The following KHDRBS2 variants were observed in gnomAD, a reference collection of about 807,000 sequenced individuals.
The protein encoded by KHDRBS2 is KH domain-containing, RNA-binding, signal transduction-associated protein 2.
KHDRBS2 carries 26 observed loss-of-function variants against 44.3 expected under a neutral mutation model. The observed-to-expected ratio is 0.59, with a 90% confidence interval of 0.43 to 0.81. The LOEUF is 0.81. Ranked by LOEUF, KHDRBS2 falls within the 40% of genes least tolerant of loss-of-function variation. The pLI, the probability that KHDRBS2 is intolerant of heterozygous loss-of-function variation, is 0.00. For missense variants in KHDRBS2, 476 were observed against 433.1 expected (o/e 1.10, Z -0.88); for synonymous variants, 194 against 151.1 (o/e 1.28, Z -2.08).
chr6:62,008,693 TG>T (rs1310889436), intron 3 of KHDRBS2, among the ~76,000 whole-genome samples: 3 of 151,960 alleles, frequency 2.0e-5, no homozygotes, highest in Admixed American at 2.0e-4. Flanking sequence ...ACTATGGGGG[TG>T]GGTCTTTCCC....
chr6:61,853,941 C>A (rs1795808563), intron 6 of KHDRBS2, among the ~76,000 whole-genome samples: 1 of 152,136 alleles, frequency 6.6e-6, no homozygotes, highest in Non-Finnish European at 1.5e-5. Context: ...TAGAAACTGC[C>A]ACAGAATATT....
At chr6:61,837,410 T>A (rs1792865109) in intron 6 of KHDRBS2, among the ~76,000 whole-genome samples, 1 of 151,994 alleles carries the variant, frequency 6.6e-6, no homozygotes, top group Admixed American at 6.6e-5. Context: ...GCTATTGTTT[T>A]ACTGGAGGAG....
chr6:61,826,187 T>G (rs186071631), intron 6 of KHDRBS2, among the ~76,000 whole-genome samples: 10 of 152,226 alleles, frequency 6.6e-5, no homozygotes, highest in Admixed American at 5.9e-4. Flanking sequence ...ATTTTAGGTT[T>G]TGCTTCCCAT....
intron 1 of KHDRBS2, among the ~76,000 whole-genome samples, chr6:62,199,782 T>C (rs1215731346): frequency 6.6e-6 from 1 of 152,066 alleles, no homozygotes; most frequent in Non-Finnish European, 1.5e-5. Context: ...GCCAAGTCAA[T>C]CCTAAGCCAA....
chr6:61,978,071 C>T lies in KHDRBS2; in HGVS notation c.478G>A (p.Val160Ile). 3.8e-6 allele frequency: 6 copies of T among 1,587,408 alleles called. No homozygotes were observed. The highest frequency in any genetic ancestry group is 5.1e-6 in the Non-Finnish European group (6 of 1,171,978). ...HALEEIKKFL[V>I]PDYNDEIRQE... ...AAAAAATGAAAGACACTTACAGGAA[C>T]CAGGAATTTTTTAATCTCTTCCAAT... is the stretch of plus-strand genomic sequence containing the variant. Residue 160 changes from valine (V) to isoleucine (I), a missense_variant, in exon 4 of 9, where the codon GTT becomes ATT. By Grantham distance (29) the Val-to-Ile change is conservative (BLOSUM62 3). Coordinates refer to ENST00000281156, the MANE Select transcript of KHDRBS2 (RefSeq NM_152688.4).
intron 6 of KHDRBS2, among the ~76,000 whole-genome samples, chr6:61,826,170 T>G (rs1328152152): frequency 2.0e-5 from 3 of 152,194 alleles, no homozygotes; most frequent in African/African-American, 7.2e-5. Context: ...AGGGGTTTTA[T>G]GGGCATATTT....
At chr6:61,954,406 C>T (rs375461758) in intron 4 of KHDRBS2, among the ~76,000 whole-genome samples, 19 of 79,280 alleles carry the variant, frequency 2.4e-4, no homozygotes, top group East Asian at 3.8e-4. Flanking sequence ...CGTATGTATG[C>T]ATGCATACAT....
chr6:61,652,474 C>T, the KHDRBS2 span, among the ~76,000 whole-genome samples: 1 of 151,826 alleles, frequency 6.6e-6, no homozygotes, highest in Non-Finnish European at 1.5e-5. Flanking sequence ...AACTTATTCA[C>T]TTTATGTGCT....
intron 2 of KHDRBS2, among the ~76,000 whole-genome samples, chr6:62,051,354 C>T (rs1484488012): frequency 6.6e-6 from 1 of 151,956 alleles, no homozygotes; most frequent in Non-Finnish European, 1.5e-5. Flanking sequence ...ATTTAGGTCT[C>T]ATCCGTTTTG....
chr6:61,631,087 G>A, the KHDRBS2 span, among the ~76,000 whole-genome samples: 2 of 151,884 alleles, frequency 1.3e-5, no homozygotes. Context: ...AGATAAGAGG[G>A]AAAGGCAGCC....
At chr6:62,107,321 C>A (rs576626993) in intron 2 of KHDRBS2, among the ~76,000 whole-genome samples, 1 of 152,286 alleles carries the variant, frequency 6.6e-6, no homozygotes, top group South Asian at 2.1e-4. Context: ...AGAGCCAAAT[C>A]ATGAGTGAAC....
chr6:61,649,019 A>G, the KHDRBS2 span, among the ~76,000 whole-genome samples: 2 of 152,108 alleles, frequency 1.3e-5, no homozygotes, highest in African/African-American at 4.8e-5. Flanking sequence ...TCAAGGGGAA[A>G]AAAATAAAGG....
intron 2 of KHDRBS2, among the ~76,000 whole-genome samples, chr6:62,148,024 A>G (rs1276770211): frequency 6.6e-6 from 1 of 152,058 alleles, no homozygotes; most frequent in Non-Finnish European, 1.5e-5. Context: ...AAAAATAAAT[A>G]TTATTCATGG....
intron 2 of KHDRBS2, among the ~76,000 whole-genome samples, chr6:62,067,876 TA>T (rs758602489): frequency 1.8e-4 from 28 of 151,634 alleles, no homozygotes; most frequent in Non-Finnish European, 3.2e-4. Context: ...TTTAGGTTCA[TA>T]CATGTGTTGG....
At chr6:61,564,694 T>G in the KHDRBS2 span, among the ~76,000 whole-genome samples, 1 of 152,112 alleles carries the variant, frequency 6.6e-6, no homozygotes, top group Admixed American at 6.5e-5. Flanking sequence ...GCTGTGGAGC[T>G]GGAGATAGGG....
chr6:61,619,842 C>T, the KHDRBS2 span, among the ~76,000 whole-genome samples: 1 of 152,072 alleles, frequency 6.6e-6, no homozygotes, highest in Non-Finnish European at 1.5e-5. Context: ...TTAGATTGTT[C>T]TCACATATTT....
chr6:61,700,734 A>T lies in KHDRBS2; in HGVS notation c.894-3481T>A, dbSNP rs1246003530. On this transcript the variant is annotated intron_variant, in intron 7 of 8. Transcript: ENST00000281156. ...CCTCATCCTGGGCTTGTGCACATTT[A>T]CCTTCTCAGTTGGTAGAAGGCATTC... Among the ~76,000 whole-genome samples, 10 of 126,206 alleles carry T rather than the reference A, an allele frequency of 7.9e-5. No individual in the cohort carries two copies. The Admixed American group carries it at 8.6e-4, about 11-fold the overall frequency. The allele number at this position is 126,206 out of a possible 152,430, so 82.8% of individuals were successfully genotyped here.
intron 4 of KHDRBS2, among the ~76,000 whole-genome samples, chr6:61,945,111 A>ATG: frequency 2.6e-5 from 1 of 37,774 alleles, no homozygotes; most frequent in South Asian, 1.3e-3. Context: ...AAAAAAAAAA[A>ATG]AGTATATATA....
chr6:62,059,735 A>G (rs1791276687), intron 2 of KHDRBS2, among the ~76,000 whole-genome samples: 1 of 151,810 alleles, frequency 6.6e-6, no homozygotes, highest in Non-Finnish European at 1.5e-5. Context: ...TATACGTTGT[A>G]ATTTTCTATA....
Sources: gnomAD v4.1 joint callset for allele counts (sites outside exome capture counted in the v4.1 genomes callset) on GRCh38, gnomAD v4.1.1 for gene constraint, MANE v1.5 for transcripts, NCBI Gene and HGNC (gene_info 2026-07-23, HGNC 2026-07-21) for gene names.